The following SLC35F3 variants were observed in gnomAD, a reference collection of about 807,000 sequenced individuals.
The protein encoded by SLC35F3 is putative thiamine transporter SLC35F3.
Under a neutral mutation model 49.9 loss-of-function variants are expected in SLC35F3, and 25 were observed. The observed-to-expected ratio is 0.50, with a 90% CI of 0.37 to 0.70. The LOEUF (loss-of-function observed/expected upper bound fraction) is 0.70. Among genes scored for constraint, SLC35F3 ranks in the 30% least tolerant of loss-of-function variants. SLC35F3 has a pLI of 0.00. For missense variants in SLC35F3, 525 were observed against 639.8 expected (o/e 0.82, Z 1.94); for synonymous variants, 275 against 265.4 (o/e 1.04, Z -0.35).
intron 2 of SLC35F3, among the ~76,000 whole-genome samples, chr1:234,220,545 C>A (rs1433933908): frequency 6.6e-6 from 1 of 152,154 alleles, no homozygotes; most frequent in Non-Finnish European, 1.5e-5. Flanking sequence ...ACAGTGGCTC[C>A]TAACGTAATT....
At chr1:234,071,487 G>A (rs1004375658) in intron 2 of SLC35F3, among the ~76,000 whole-genome samples, 2 of 152,180 alleles carry the variant, frequency 1.3e-5, no homozygotes, top group Non-Finnish European at 2.9e-5. Flanking sequence ...CAGTCCTTAC[G>A]TGACCAAATT....
chr1:233,953,609 G>A (rs936210443), intron 2 of SLC35F3, among the ~76,000 whole-genome samples: 12 of 152,222 alleles, frequency 7.9e-5, no homozygotes, highest in African/African-American at 1.2e-4. Flanking sequence ...GATGCACCAC[G>A]CTGCCTTGGC....
chr1:233,963,927 G>A (rs926824345), intron 2 of SLC35F3, among the ~76,000 whole-genome samples: 27 of 152,214 alleles, frequency 1.8e-4, no homozygotes, highest in African/African-American at 5.5e-4. Flanking sequence ...GTTGGCTGAT[G>A]CACCTGGGGG....
intron 2 of SLC35F3, among the ~76,000 whole-genome samples, chr1:234,049,634 G>A (rs935278682): frequency 6.6e-6 from 1 of 151,952 alleles, no homozygotes; most frequent in African/African-American, 2.4e-5. Flanking sequence ...TTTTTTGTTT[G>A]TTTGTTTGTT....
chr1:233,983,339 T>C (rs1663216203), intron 2 of SLC35F3, among the ~76,000 whole-genome samples: 1 of 152,194 alleles, frequency 6.6e-6, no homozygotes, highest in Admixed American at 6.5e-5. Context: ...ACAAGTACCT[T>C]ATTATAGGAG....
intron 2 of SLC35F3, among the ~76,000 whole-genome samples, chr1:233,947,341 GGAGAGAGAGA>G (rs148848593): frequency 6.7e-6 from 1 of 149,794 alleles, no homozygotes; most frequent in African/African-American, 2.4e-5. Flanking sequence ...GTAAGAGGGA[GGAGAGAGAGA>G]GAGAGAGAGA....
At chr1:233,929,956 C>T (rs972735981) in intron 2 of SLC35F3, among the ~76,000 whole-genome samples, 1 of 152,026 alleles carries the variant, frequency 6.6e-6, no homozygotes, top group African/African-American at 2.4e-5. Flanking sequence ...TGGCTGAGAC[C>T]TATTCCTGGA....
chr1:234,312,517 G>T (rs1269218679), intron 4 of SLC35F3, among the ~76,000 whole-genome samples: 2 of 152,068 alleles, frequency 1.3e-5, no homozygotes, highest in East Asian at 1.9e-4. Flanking sequence ...CCTGCTGTGT[G>T]GGGGGCTGCC....
At chr1:233,972,386 A>G (rs753621789) in intron 2 of SLC35F3, among the ~76,000 whole-genome samples, 3 of 152,238 alleles carry the variant, frequency 2.0e-5, no homozygotes, top group Admixed American at 2.0e-4. Flanking sequence ...TGTTTTATAT[A>G]TATGTATGAT....
At chr1:234,111,231 C>A (rs1665401091) in intron 2 of SLC35F3, among the ~76,000 whole-genome samples, 1 of 151,944 alleles carries the variant, frequency 6.6e-6, no homozygotes, top group Non-Finnish European at 1.5e-5. Context: ...TAATCTAGCT[C>A]CTGATCTGTG....
At chr1:234,146,641 A>G (rs1572069272) in intron 2 of SLC35F3, among the ~76,000 whole-genome samples, 1 of 151,610 alleles carries the variant, frequency 6.6e-6, no homozygotes, top group Admixed American at 6.6e-5. Flanking sequence ...CAGCCTCCCA[A>G]GTAGCTGGGA....
At chr1:234,074,632 G>GT in intron 2 of SLC35F3, among the ~76,000 whole-genome samples, 1 of 152,290 alleles carries the variant, frequency 6.6e-6, no homozygotes, top group South Asian at 2.1e-4. Context: ...AATTTTAAAG[G>GT]TTTCAAAGCT....
chr1:234,269,366 A>G (rs1318596987), intron 3 of SLC35F3, among the ~76,000 whole-genome samples: 1 of 152,196 alleles, frequency 6.6e-6, no homozygotes, highest in African/African-American at 2.4e-5. Flanking sequence ...AGAATAGAAC[A>G]GAATAGATCA....
intron 2 of SLC35F3, among the ~76,000 whole-genome samples, chr1:234,161,300 A>G (rs1436780815): frequency 6.6e-6 from 1 of 152,206 alleles, no homozygotes; most frequent in Non-Finnish European, 1.5e-5. Flanking sequence ...AATGTGAAGT[A>G]CCTTGCTCGA....
chr1:234,023,811 C>G (rs1239552000), intron 2 of SLC35F3, among the ~76,000 whole-genome samples: 1 of 148,646 alleles, frequency 6.7e-6, no homozygotes, highest in East Asian at 2.0e-4. Flanking sequence ...TAACGCCAAT[C>G]TAGTTCTGAA....
intron 2 of SLC35F3, among the ~76,000 whole-genome samples, chr1:234,102,744 C>T (rs1665231759): frequency 6.6e-6 from 1 of 152,200 alleles, no homozygotes; most frequent in Non-Finnish European, 1.5e-5. Flanking sequence ...ACTAAACAAG[C>T]ACAAGAGTCT....
At chr1:234,097,831 G>T (rs986038115) in intron 2 of SLC35F3, among the ~76,000 whole-genome samples, 1 of 152,220 alleles carries the variant, frequency 6.6e-6, no homozygotes, top group Non-Finnish European at 1.5e-5. Flanking sequence ...GTAGAGATAA[G>T]AATTTTGCAT....
At chr1:233,997,206 G>A (rs1235065599) in intron 2 of SLC35F3, among the ~76,000 whole-genome samples, 1 of 152,128 alleles carries the variant, frequency 6.6e-6, no homozygotes. Context: ...TAGTGTTGCT[G>A]TGAACATGGG....
intron 2 of SLC35F3, among the ~76,000 whole-genome samples, chr1:234,066,826 TCTCC>T (rs1452791153): frequency 5.5e-5 from 7 of 126,330 alleles, no homozygotes; most frequent in African/African-American, 2.3e-4. Flanking sequence ...TGTCCCTCTC[TCTCC>T]CACACACACA....
Sources: allele counts gnomAD v4.1 joint callset (sites outside exome capture counted in the v4.1 genomes callset), GRCh38; gene constraint gnomAD v4.1.1; transcripts MANE v1.5; gene names NCBI Gene and HGNC (gene_info 2026-07-23, HGNC 2026-07-21).